Variants in NREP observed in about 807,000 individuals in gnomAD.
NREP encodes neuronal regeneration related protein.
NREP carries 5 observed loss-of-function variants against 8.6 expected under a neutral mutation model. The ratio of observed to expected loss-of-function variants is 0.58; its 90% CI spans 0.30 to 1.22. NREP has a LOEUF of 1.22. Among genes scored for constraint, NREP ranks in the 50% most tolerant of loss-of-function variants. NREP has a pLI of 0.07. For missense variants in NREP, 86 were observed against 82.5 expected (o/e 1.04, Z -0.17); for synonymous variants, 27 against 28.0 (o/e 0.96, Z 0.11).
At chr5:111,740,788 G>A (rs1349990140) in intron 2 of NREP, among the ~76,000 whole-genome samples, 5 of 152,026 alleles carry the variant, frequency 3.3e-5, no homozygotes, top group South Asian at 2.1e-4. Context: ...AAAAGTTCTC[G>A]GACATGTTTC....
chr5:111,908,580 T>C (rs1754831724), intron 2 of NREP, among the ~76,000 whole-genome samples: 1 of 152,096 alleles, frequency 6.6e-6, no homozygotes, highest in African/African-American at 2.4e-5. Flanking sequence ...CCTAGCTACA[T>C]CCATGTTGCT....
intron 2 of NREP, among the ~76,000 whole-genome samples, chr5:111,915,460 C>T (rs1025525867): frequency 6.6e-6 from 1 of 152,040 alleles, no homozygotes; most frequent in Admixed American, 6.6e-5. Flanking sequence ...GAGGCTACTA[C>T]AAGAGGCAAT....
chr5:111,823,313 T>A (rs945102059), intron 2 of NREP, among the ~76,000 whole-genome samples: 35 of 152,116 alleles, frequency 2.3e-4, no homozygotes, highest in African/African-American at 8.5e-4. Context: ...GGGACCAAAT[T>A]TCAACATGAA....
intron 2 of NREP, among the ~76,000 whole-genome samples, chr5:111,826,469 G>A (rs979115716): frequency 2.0e-5 from 3 of 152,116 alleles, no homozygotes; most frequent in Admixed American, 6.5e-5. Flanking sequence ...GAAGGTCTGC[G>A]GCTTCACTCC....
chr5:111,759,898 C>G (rs1025007720), upstream of NREP, among the ~76,000 whole-genome samples: 1 of 152,140 alleles, frequency 6.6e-6, no homozygotes, highest in African/African-American at 2.4e-5. Context: ...TGCTCCATTA[C>G]GGGATAAAGG....
upstream of NREP, chr5:111,757,819 AAAT>A (rs1233223817): frequency 1.0e-6 from 1 of 968,228 alleles, no homozygotes; most frequent in East Asian, 1.1e-4. Flanking sequence ...CTTTTCAGAC[AAAT>A]AAGGAGGTGG....
intron 2 of NREP, among the ~76,000 whole-genome samples, chr5:111,952,940 G>A (rs945458883): frequency 6.6e-6 from 1 of 152,084 alleles, no homozygotes; most frequent in East Asian, 1.9e-4. Context: ...TGCTTGTACT[G>A]TTTTTACCAC....
intron 2 of NREP, among the ~76,000 whole-genome samples, chr5:111,790,371 TTTTTTTTTTTG>T: frequency 7.1e-6 from 1 of 140,284 alleles, no homozygotes; most frequent in African/African-American, 2.7e-5. Flanking sequence ...TTTTTTTTTT[TTTTTTTTTTTG>T]TATTCATCTT....
chr5:111,854,140 C>T (rs74687696), intron 2 of NREP, among the ~76,000 whole-genome samples: 4,214 of 150,902 alleles, frequency 0.028, 218 homozygotes, highest in East Asian at 0.24. Flanking sequence ...CACCCAGCCA[C>T]CCAAAACAAA....
At chr5:111,967,635 C>T (rs950162231) in intron 2 of NREP, among the ~76,000 whole-genome samples, 8 of 151,844 alleles carry the variant, frequency 5.3e-5, no homozygotes, top group East Asian at 1.9e-4. Flanking sequence ...GCCCGGCCCC[C>T]GCCCTGTCTG....
chr5:111,772,432 A>C (rs558508410), intron 2 of NREP, among the ~76,000 whole-genome samples: 12 of 152,320 alleles, frequency 7.9e-5, no homozygotes, highest in African/African-American at 2.9e-4. Context: ...TAATATACAA[A>C]ACTTTTGTTT....
Position 111,756,055 on chromosome 5 carries a change from G to A in NREP, c.-58-225C>T, listed in dbSNP as rs570960804. 28 of 1,245,656 alleles carry A rather than the reference G, an allele frequency of 2.2e-5. No individual in the cohort carries two copies. The African/African-American group carries it at 3.8e-4, about 17-fold the overall frequency. The allele number at this position is 1,245,656 out of a possible 1,614,324, so 77.2% of individuals were successfully genotyped here. ...TGGTACTTGGCTTTGCAGAGTCCTG[G>A]GCTATTCTTAGTGTTTGGTTCATCT... On this transcript the variant is annotated intron_variant, in intron 1 of 3. Coordinates refer to ENST00000257435, the MANE Select transcript of NREP (RefSeq NM_004772.4).
In NREP at chr5:111,948,746, C is replaced by T. The variant is rs555153372; in HGVS notation, c.135+26528G>A. On this transcript the variant is annotated intron_variant, in intron 2 of 3. Coordinates refer to the NREP transcript ENST00000395634. Reference sequence around the variant, plus strand: ...GCTCACTGTAAGTAGATGAAATGTTCCCAGCTGTGTCTGACTCATATCATG... The same window carrying T: ...GCTCACTGTAAGTAGATGAAATGTTTCCAGCTGTGTCTGACTCATATCATG... The T allele has an allele frequency of 4.6e-5, 7 of 152,160 alleles. No individual in the cohort carries two copies. The East Asian group carries it at 1.4e-3, about 30-fold the overall frequency. 9.4% of individuals were successfully genotyped at this position (152,160 alleles called of 1,614,324 possible). A position where few individuals can be genotyped will look rare whatever the true frequency, so the allele number is the denominator to read the frequency against.
At chr5:111,811,321 G>A (rs572421397) in intron 2 of NREP, among the ~76,000 whole-genome samples, 1 of 151,822 alleles carries the variant, frequency 6.6e-6, no homozygotes, top group East Asian at 1.9e-4. Context: ...TAAGACATGT[G>A]TATCAGACAT....
chr5:111,781,832 G>A (rs1751501610), intron 2 of NREP, among the ~76,000 whole-genome samples: 1 of 152,090 alleles, frequency 6.6e-6, no homozygotes, highest in Non-Finnish European at 1.5e-5. Context: ...AAGGGGAGGT[G>A]GGGAAGAAAT....
chr5:111,849,170 TAGA>T (rs1276844205), intron 2 of NREP, among the ~76,000 whole-genome samples: 3 of 152,058 alleles, frequency 2.0e-5, no homozygotes, highest in African/African-American at 7.2e-5. Context: ...AACTCAGTCC[TAGA>T]AGGACAGTGA....
intron 2 of NREP, among the ~76,000 whole-genome samples, chr5:111,908,037 T>C (rs1754819625): frequency 1.3e-5 from 2 of 152,092 alleles, no homozygotes; most frequent in African/African-American, 4.8e-5. Flanking sequence ...AAATTGATTT[T>C]GGAAAATGAA....
At chr5:111,783,951 T>G (rs1751552672) in intron 2 of NREP, among the ~76,000 whole-genome samples, 1 of 152,224 alleles carries the variant, frequency 6.6e-6, no homozygotes, top group Non-Finnish European at 1.5e-5. Flanking sequence ...ACACAAGTAG[T>G]GATAACCTCA....
At chr5:111,899,257 A>G (rs1754585502) in intron 2 of NREP, among the ~76,000 whole-genome samples, 1 of 152,252 alleles carries the variant, frequency 6.6e-6, no homozygotes, top group South Asian at 2.1e-4. Flanking sequence ...AAGAAGAAGA[A>G]CAAAACAAAG....
Sources: allele counts gnomAD v4.1 joint callset (sites outside exome capture counted in the v4.1 genomes callset), GRCh38; gene constraint gnomAD v4.1.1; transcripts MANE v1.5; gene names NCBI Gene and HGNC (gene_info 2026-07-23, HGNC 2026-07-21).